CROCC: variants seen among roughly 807,000 people sequenced by gnomAD.
CROCC encodes the protein ciliary rootlet coiled-coil, rootletin, also known as rootletin.
Under a neutral mutation model 245.2 loss-of-function variants are expected in CROCC, and 180 were observed. That is an observed-to-expected ratio of 0.73 (90% CI 0.65 to 0.83). The LOEUF (loss-of-function observed/expected upper bound fraction) is 0.83, where lower values mean the gene tolerates loss of function less well. Among genes scored for constraint, CROCC ranks in the 40% least tolerant of loss-of-function variants. CROCC has a pLI of 0.00. For missense variants in CROCC, 2,688 were observed against 2,779.4 expected, an observed-to-expected ratio of 0.97 and a Z score of 0.74; for synonymous variants, 1,205 against 1,241.6, an observed-to-expected ratio of 0.97 and a Z score of 0.62.
In CROCC at chr1:16,953,298, C is replaced by T. The variant is rs760633254; in HGVS notation, c.3007-4C>T. On this transcript the variant is annotated splice_region_variant and splice_polypyrimidine_tract_variant and intron_variant, in intron 20 of 36. Transcript: ENST00000375541. ...GTCACAGGCATCCGGTCCTGGCCCC[C>T]TAGGAGGCAGCATGGCGGGAGCTGG... The T allele has an allele frequency of 3.2e-6, 5 of 1,577,076 alleles. No individual in the cohort carries two copies. Among genetic ancestry groups the T allele is most frequent in the Non-Finnish European group, 4.3e-6 (5 of 1,163,838 alleles).
chr1:16,959,145 C>T (rs527650065), intron 26 of CROCC, among the ~76,000 whole-genome samples: 13 of 152,206 alleles, frequency 8.5e-5, no homozygotes, highest in Non-Finnish European at 1.3e-4. Flanking sequence ...GCCTCAGCCT[C>T]CCGAGTATCT....
At chr1:16,944,504 G>A (rs550224254) in intron 14 of CROCC, among the ~76,000 whole-genome samples, 68 of 152,362 alleles carry the variant, frequency 4.5e-4, no homozygotes, top group African/African-American at 1.6e-3. Flanking sequence ...GGTAGAACTT[G>A]GATGATAATA....
In CROCC at chr1:16,939,772, C is replaced by G. The variant is rs529845667; in HGVS notation, c.1609-122C>G. 962 of 1,221,006 alleles carry G rather than the reference C, an allele frequency of 7.9e-4. 3 individuals carry two copies. Among genetic ancestry groups the G allele is most frequent in the South Asian group, 1.6e-3 (110 of 69,504 alleles). 75.6% of individuals were successfully genotyped at this position (1,221,006 alleles called of 1,614,324 possible). On this transcript the variant is annotated intron_variant, in intron 12 of 36. Transcript: ENST00000375541. ...GCCTAGGCCCCTATCCTGCCCCAGG[C>G]CAGGTCCAGGCCCTGGACCCCGCCT...
chr1:16,942,630 A>G (rs2075957130), intron 13 of CROCC, among the ~76,000 whole-genome samples: 1 of 152,258 alleles, frequency 6.6e-6, no homozygotes, highest in Non-Finnish European at 1.5e-5. Flanking sequence ...CTGTTGTTGT[A>G]AGCTTGAGAG....
At chr1:16,953,068 G>C (rs2076189182) in intron 20 of CROCC, 16 of 526,074 alleles carry the variant, frequency 3.0e-5, no homozygotes, top group South Asian at 2.8e-4. Flanking sequence ...ACAGTTACTT[G>C]TCCCTCCGCA....
At chr1:16,958,214 A>T (rs1349560243) in intron 25 of CROCC, among the ~76,000 whole-genome samples, 1 of 152,244 alleles carries the variant, frequency 6.6e-6, no homozygotes, top group Non-Finnish European at 1.5e-5. Context: ...TGCTTAGAAC[A>T]GGACTGGACA....
At chr1:16,943,524 C>T (rs1229455783) in intron 13 of CROCC, among the ~76,000 whole-genome samples, 1 of 151,254 alleles carries the variant, frequency 6.6e-6, no homozygotes, top group Non-Finnish European at 1.5e-5. Context: ...GGGGACAGAG[C>T]GAGACTCCGT....
intron 13 of CROCC, chr1:16,941,078 C>G (rs552671428): frequency 2.5e-4 from 54 of 214,492 alleles, no homozygotes; most frequent in African/African-American, 1.2e-3. Context: ...CCATGCTGGT[C>G]TTGAACTCCT....
At chr1:16,939,208 G>GT (rs1251905528) in intron 12 of CROCC, 66 bp downstream of exon 12, 24 of 1,318,672 alleles carry the variant, frequency 1.8e-5, no homozygotes, top group Admixed American at 7.5e-5. Flanking sequence ...CGCCCTCCGG[G>GT]TGGGGGCGGG....
intron 26 of CROCC, among the ~76,000 whole-genome samples, chr1:16,959,656 T>G (rs2076298656): frequency 6.6e-6 from 1 of 152,224 alleles, no homozygotes; most frequent in Non-Finnish European, 1.5e-5. Flanking sequence ...GCTTTGTGTC[T>G]GTGTGACCAT....
chr1:16,940,206 A>C, intron 13 of CROCC, 113 bp downstream of exon 13: 2 of 1,139,180 alleles, frequency 1.8e-6, no homozygotes, highest in Non-Finnish European at 2.5e-6. Context: ...CACTAGCTGC[A>C]TGTGCCTATT....
chr1:16,966,634 C>G lies in CROCC; in HGVS notation c.4860+63C>G, dbSNP rs1404196521. On this transcript the variant is annotated intron_variant, in intron 30 of 36. Transcript: ENST00000375541. The surrounding 1 kb of genome is among the most constrained non-coding windows in gnomAD (Gnocchi z 4.8). ...TCTGTGTACCCGAGTGAGTGTCTAA[C>G]TCTTATGTGTGTCTCCCTGTGTCTG... 2.1e-6 allele frequency: 3 copies of G among 1,420,534 alleles called. No individual in the cohort carries two copies. In the African/African-American group the frequency reaches 4.4e-5, roughly 21 times the overall value. The allele number at this position is 1,420,534 out of a possible 1,614,324, so 88.0% of individuals were successfully genotyped here.
At position 16,931,403 on chromosome 1, in the gene CROCC, G is replaced by C. The variant is rs1345033584; in HGVS notation, c.956+6G>C. ...GTGAAGATGTTCACTGAGAGGTGAGGCCTGGCCGGGGACGGGGCAGCAGCT... is the reference window on the plus strand; with the variant it reads ...GTGAAGATGTTCACTGAGAGGTGAGCCCTGGCCGGGGACGGGGCAGCAGCT... On this transcript the variant is annotated splice_donor_region_variant and intron_variant, in intron 8 of 36. Transcript: ENST00000375541. The C allele has an allele frequency of 1.2e-6, 2 of 1,608,050 alleles. No homozygotes were observed. Among genetic ancestry groups the C allele is most frequent in the African/African-American group, 2.7e-5 (2 of 74,856 alleles).
At chr1:16,945,825 A>G (rs2076032629) in intron 15 of CROCC, among the ~76,000 whole-genome samples, 1 of 152,290 alleles carries the variant, frequency 6.6e-6, no homozygotes, top group Non-Finnish European at 1.5e-5. Context: ...TTATGGCCGT[A>G]TCCCTGCTCT....
At position 16,930,421 on chromosome 1, in the gene CROCC, C is replaced by G; in HGVS notation, c.684-8C>G. On this transcript the variant is annotated splice_polypyrimidine_tract_variant and splice_region_variant and intron_variant, in intron 6 of 36. Transcript: ENST00000375541. ...CGAGCGCCTACTGATCCCCTGTGCC[C>G]CATTCAGGAGTGCCAGCCTGGCCCA... 6.2e-7 allele frequency: 1 copy of G among 1,611,494 alleles called. No homozygotes were observed. The highest frequency in any genetic ancestry group is 8.5e-7 in the Non-Finnish European group (1 of 1,179,728).
intron 1 of CROCC, among the ~76,000 whole-genome samples, 188 bp from the exon 2 acceptor site, chr1:16,922,475 T>C (rs1447318025): frequency 6.6e-6 from 1 of 152,282 alleles, no homozygotes; most frequent in Non-Finnish European, 1.5e-5. Flanking sequence ...GCCTTCTTCC[T>C]GGGGCAGTGA....
intron 19 of CROCC, among the ~76,000 whole-genome samples, chr1:16,950,110 C>T (rs1437657065): frequency 6.6e-6 from 1 of 151,976 alleles, no homozygotes; most frequent in Non-Finnish European, 1.5e-5. Flanking sequence ...GTTGCCCAGG[C>T]TGGAGTGCAA....
chr1:16,921,577 C>A (rs1346806652), upstream of CROCC, among the ~76,000 whole-genome samples: 2 of 152,274 alleles, frequency 1.3e-5, no homozygotes, highest in Non-Finnish European at 2.9e-5. Context: ...GAAAGATGGT[C>A]ACAAATACTT....
chr1:16,966,553 C>A lies in CROCC; in HGVS notation c.4842C>A (p.Ser1614Arg). 1.3e-6 allele frequency: 2 copies of A among 1,490,202 alleles called. No homozygotes were observed. Among genetic ancestry groups the A allele is most frequent in the Admixed American group, 2.3e-5 (1 of 43,864 alleles). The allele number at this position is 1,490,202 out of a possible 1,614,324, so 92.3% of individuals were successfully genotyped here. ...TLERSLQATE[S>R]ELRASQEKIS... ...AGAGGAGCCTGCAGGCCACCGAGAG[C>A]GAGCTCCGGGCCAGCCAGGTGGGCA... Residue 1614 changes from serine to arginine, a missense_variant, in exon 30 of 37, where the codon AGC becomes AGA. Ser to Arg is a moderately radical substitution (Grantham distance 110, BLOSUM62 -1). Transcript: ENST00000375541. The surrounding 1 kb of genome is among the most constrained non-coding windows in gnomAD (Gnocchi z 4.8).
Sources: gnomAD v4.1 joint callset for allele counts (sites outside exome capture counted in the v4.1 genomes callset) on GRCh38, gnomAD v4.1.1 for gene constraint, Gnocchi (gnomAD v3.1) non-coding constraint, MANE v1.5 for transcripts, NCBI Gene and HGNC (gene_info 2026-07-23, HGNC 2026-07-21) for gene names.